Variants in GALNT14 observed in about 807,000 individuals in gnomAD.
The protein encoded by GALNT14 is polypeptide N-acetylgalactosaminyltransferase 14.
Under a neutral mutation model 77.5 loss-of-function variants are expected in GALNT14, and 60 were observed. The observed-to-expected ratio is 0.77, with a 90% CI of 0.63 to 0.96. The LOEUF (loss-of-function observed/expected upper bound fraction) is 0.96, where lower values mean the gene tolerates loss of function less well. Ranked by LOEUF, GALNT14 falls within the 40% of genes least tolerant of loss-of-function variation. The pLI, the probability that GALNT14 is intolerant of heterozygous loss-of-function variation, is 0.00. For synonymous variants in GALNT14, 280 were observed against 281.7 expected, an observed-to-expected ratio of 0.99 and a Z score of 0.06; for missense variants, 710 against 731.0, an observed-to-expected ratio of 0.97 and a Z score of 0.33.
intron 2 of GALNT14, among the ~76,000 whole-genome samples, chr2:30,982,970 C>A (rs1008629265): frequency 6.6e-5 from 10 of 152,194 alleles, no homozygotes; most frequent in Non-Finnish European, 1.3e-4. Flanking sequence ...TTCTCCACCC[C>A]TCCTGTGTTC....
In GALNT14 at chr2:30,941,387, G is replaced by A. The variant is rs576659555; in HGVS notation, c.931+814C>T. Among the ~76,000 whole-genome samples, 6 of 152,306 alleles carry A rather than the reference G, an allele frequency of 3.9e-5. No individual in the cohort carries two copies. In the South Asian group the frequency reaches 8.3e-4, roughly 21 times the overall value. On this transcript the variant is annotated intron_variant, in intron 9 of 14. Coordinates refer to ENST00000349752, the MANE Select transcript of GALNT14 (RefSeq NM_024572.4). The stretch of plus-strand genomic sequence containing the variant: ...ATCTCCTAGGTCTCACCTGCTGGAG[G>A]GAACTGACATGTATTATGCCTGCAT...
rs1197457695 is a variant in GALNT14 at position 31,138,030 on chromosome 2, C to T, written c.57G>A (p.Thr19=). 1.2e-6 allele frequency: 2 copies of T among 1,613,746 alleles called. No individual in the cohort carries two copies. Among genetic ancestry groups the T allele is most frequent in the African/African-American group, 1.3e-5 (1 of 74,926 alleles). The change falls in exon 1 of 15, where the codon ACG becomes ACA. Residue 19 remains threonine (T), a synonymous_variant. Coordinates refer to ENST00000349752, the MANE Select transcript of GALNT14 (RefSeq NM_024572.4). ...TGGTTACCCAGAAGAACAGCAGCACCGTGATCCAGAGCACCCCGAAGACTG... is the reference window on the plus strand; with the variant it reads ...TGGTTACCCAGAAGAACAGCAGCACTGTGATCCAGAGCACCCCGAAGACTG... ...VLPVFGVLWI[T]VLLFFWVTKR... is the part of the protein sequence containing the mutation.
At chr2:30,974,979 C>A (rs1036693865) in intron 2 of GALNT14, among the ~76,000 whole-genome samples, 6 of 152,200 alleles carry the variant, frequency 3.9e-5, no homozygotes, top group African/African-American at 7.2e-5. Flanking sequence ...GGGTGACACC[C>A]TCACAGGGAG....
At chr2:31,073,618 C>T (rs1009585139) in intron 1 of GALNT14, among the ~76,000 whole-genome samples, 5 of 151,674 alleles carry the variant, frequency 3.3e-5, no homozygotes, top group Non-Finnish European at 5.9e-5. Context: ...AGCTAGGGGC[C>T]GGCGGGACTG....
intron 1 of GALNT14, among the ~76,000 whole-genome samples, chr2:31,086,469 A>C (rs1035734738): frequency 2.0e-5 from 3 of 152,104 alleles, no homozygotes; most frequent in African/African-American, 7.2e-5. Flanking sequence ...GACCTTGAGC[A>C]AGTAACTTCA....
the GALNT14 span, among the ~76,000 whole-genome samples, chr2:30,897,117 C>T: frequency 6.6e-6 from 1 of 152,120 alleles, no homozygotes; most frequent in Non-Finnish European, 1.5e-5. Context: ...TTTACCTGCC[C>T]CCCACTTTTT....
the GALNT14 span, among the ~76,000 whole-genome samples, chr2:30,903,684 G>C: frequency 6.6e-6 from 1 of 152,216 alleles, no homozygotes; most frequent in South Asian, 2.1e-4. Context: ...ACACCCTGAA[G>C]CAGAGGATCT....
the GALNT14 span, among the ~76,000 whole-genome samples, chr2:30,904,675 G>C: frequency 3.3e-5 from 5 of 152,250 alleles, no homozygotes; most frequent in African/African-American, 1.2e-4. Flanking sequence ...GGTAAACAAA[G>C]CAGCCAGGAA....
rs116478357 is a variant in GALNT14 at position 30,910,526 on chromosome 2, C to T, written c.*375G>A. On this transcript the variant is annotated 3_prime_UTR_variant, in exon 15 of 15. Transcript: ENST00000349752. ...TTTGGAAACAACCTCCATTCTTCAT[C>T]TCTCAATGTAGTCCTGGCCTAGTGA... 1,672 of 171,240 alleles carry T rather than the reference C, an allele frequency of 9.8e-3. 13 individuals are homozygous for T. Among genetic ancestry groups the T allele is most frequent in the Non-Finnish European group, 0.014 (1,145 of 80,838 alleles). 10.6% of individuals were successfully genotyped at this position (171,240 alleles called of 1,614,324 possible).
intron 10 of GALNT14, among the ~76,000 whole-genome samples, chr2:30,931,240 T>C (rs1355929741): frequency 6.6e-6 from 1 of 151,926 alleles, no homozygotes; most frequent in Non-Finnish European, 1.5e-5. Context: ...CAGGATGTGA[T>C]GACACAGCTC....
chr2:30,989,747 A>G (rs1669574832), intron 2 of GALNT14, among the ~76,000 whole-genome samples: 1 of 147,250 alleles, frequency 6.8e-6, no homozygotes, highest in Non-Finnish European at 1.5e-5. Context: ...ATCTTTATAA[A>G]AACTGAATTA....
intron 1 of GALNT14, among the ~76,000 whole-genome samples, chr2:31,112,399 T>C (rs1223236713): frequency 6.6e-6 from 1 of 152,220 alleles, no homozygotes; most frequent in Non-Finnish European, 1.5e-5. Context: ...TTCCTCATGG[T>C]AAACTGTGAA....
At chr2:31,122,183 T>C (rs1390846662) in intron 1 of GALNT14, among the ~76,000 whole-genome samples, 1 of 152,158 alleles carries the variant, frequency 6.6e-6, no homozygotes, top group Non-Finnish European at 1.5e-5. Flanking sequence ...GGCCGGCCAC[T>C]GGACACAGGG....
Position 30,947,313 on chromosome 2 carries a change from G to C in GALNT14, c.655-1443C>G, listed in dbSNP as rs181109095. Among the ~76,000 whole-genome samples the C allele has an allele frequency of 2.5e-3, 388 of 152,238 alleles. 1 individual carries two copies. Among genetic ancestry groups the C allele is most frequent in the African/African-American group, 8.7e-3 (360 of 41,514 alleles). ...ACAAACTCCTTAGCATAGCATCCCAGACCATCAAGAACAGGCCTATCTCTA... is the reference window on the plus strand; with the variant it reads ...ACAAACTCCTTAGCATAGCATCCCACACCATCAAGAACAGGCCTATCTCTA... On this transcript the variant is annotated intron_variant, in intron 6 of 14. Coordinates refer to ENST00000349752, the MANE Select transcript of GALNT14 (RefSeq NM_024572.4).
intron 1 of GALNT14, among the ~76,000 whole-genome samples, chr2:31,134,460 T>C (rs1172475447): frequency 6.6e-6 from 1 of 152,228 alleles, no homozygotes; most frequent in Non-Finnish European, 1.5e-5. Flanking sequence ...CCAACTTTTT[T>C]CCCTATGATA....
At position 30,926,969 on chromosome 2, in the gene GALNT14, G is replaced by A. The variant is rs73921196; in HGVS notation, c.1152-2146C>T. On this transcript the variant is annotated intron_variant, in intron 11 of 14. Transcript: ENST00000349752. Reference sequence around the variant, plus strand: ...TATGAGCAATGTTGGACTGAAGGAGGGTTTTTGTAGTTTGTTTTCTTTCCT... The same window carrying A: ...TATGAGCAATGTTGGACTGAAGGAGAGTTTTTGTAGTTTGTTTTCTTTCCT... Among the ~76,000 whole-genome samples, 215 of 152,132 alleles carry A rather than the reference G, an allele frequency of 1.4e-3. 1 individual carries two copies. The highest frequency in any genetic ancestry group is 5.0e-3 in the African/African-American group (209 of 41,482).
intron 14 of GALNT14, among the ~76,000 whole-genome samples, chr2:30,911,958 A>G (rs1168570171): frequency 1.3e-5 from 2 of 152,166 alleles, no homozygotes; most frequent in African/African-American, 4.8e-5. Context: ...CAATGACAGG[A>G]AAGTAGAAGA....
At chr2:31,020,631 C>G (rs1260683620) in intron 1 of GALNT14, among the ~76,000 whole-genome samples, 1 of 152,190 alleles carries the variant, frequency 6.6e-6, no homozygotes. Flanking sequence ...GAATGGCCTC[C>G]CCAAGCCCAG....
In GALNT14 at chr2:30,920,883, G is replaced by A. The variant is rs891246362; in HGVS notation, c.1380+3236C>T. On this transcript the variant is annotated intron_variant, in intron 13 of 14. Transcript: ENST00000349752. The stretch of plus-strand genomic sequence containing the variant: ...GTACAGTCTGTGAAGTGGACTGAGC[G>A]TCATCCTGTCTAGGAGTATTCTCCC... Among the ~76,000 whole-genome samples the A allele has an allele frequency of 2.6e-5, 4 of 152,160 alleles. No homozygotes were observed. The South Asian group carries it at 6.2e-4, about 24-fold the overall frequency.
Sources: allele counts gnomAD v4.1 joint callset (sites outside exome capture counted in the v4.1 genomes callset), GRCh38; gene constraint gnomAD v4.1.1; transcripts MANE v1.5; gene names NCBI Gene and HGNC (gene_info 2026-07-23, HGNC 2026-07-21).